The following DIAPH2 variants were observed in gnomAD, a reference collection of about 807,000 sequenced individuals.
DIAPH2 encodes diaphanous related formin 2.
In DIAPH2, 35 loss-of-function variants were observed where a neutral mutation model predicts 92.7. The ratio of observed to expected loss-of-function variants is 0.38; its 90% confidence interval spans 0.29 to 0.50. DIAPH2 has a LOEUF of 0.50. Ranked by LOEUF, DIAPH2 falls within the 20% of genes least tolerant of loss-of-function variation. The pLI, the probability that DIAPH2 is intolerant of heterozygous loss-of-function variation, is 0.94. For missense variants in DIAPH2, 701 were observed against 819.5 expected (o/e 0.86, Z 1.77); for synonymous variants, 301 against 280.4 (o/e 1.07, Z -0.73).
intron 26 of DIAPH2, among the ~76,000 whole-genome samples, chrX:97,576,537 C>CATG (rs1431955411): frequency 9.0e-6 from 1 of 110,993 alleles, no homozygotes; most frequent in Non-Finnish European, 1.9e-5. Flanking sequence ...TCAACAGTGT[C>CATG]ATGTGCTACA....
chrX:97,258,909 GAAACA>G (rs1352258735), intron 23 of DIAPH2, among the ~76,000 whole-genome samples: 4 of 100,060 alleles, frequency 4.0e-5, no homozygotes, highest in Middle Eastern at 4.9e-3. Context: ...AACAACAACA[GAAACA>G]AAACAAAACA....
chrX:97,185,430 T>C (rs2067584883), intron 22 of DIAPH2, among the ~76,000 whole-genome samples: 1 of 64,648 alleles, frequency 1.5e-5, no homozygotes, highest in African/African-American at 9.4e-5. Context: ...TATGTATATA[T>C]ATATGTGTAT....
At chrX:97,456,170 G>A (rs776551003) in intron 26 of DIAPH2, among the ~76,000 whole-genome samples, 45 of 111,776 alleles carry the variant, frequency 4.0e-4, no homozygotes, top group South Asian at 2.2e-3. Flanking sequence ...GGCGGATCAC[G>A]AGGTCAGGAG....
At chrX:97,515,576 G>A (rs1029364051) in intron 26 of DIAPH2, among the ~76,000 whole-genome samples, 1 of 112,151 alleles carries the variant, frequency 8.9e-6, no homozygotes, top group African/African-American at 3.2e-5. Flanking sequence ...TGATGAAGAA[G>A]TGGAGGGTAG....
At chrX:97,546,276 C>T (rs2071180816) in intron 26 of DIAPH2, among the ~76,000 whole-genome samples, 1 of 111,887 alleles carries the variant, frequency 8.9e-6, no homozygotes. Context: ...TGCTAACTCA[C>T]ATTAACCTAA....
intron 17 of DIAPH2, among the ~76,000 whole-genome samples, chrX:97,005,919 T>C (rs1376010646): frequency 9.3e-6 from 1 of 107,319 alleles, no homozygotes; most frequent in Non-Finnish European, 1.9e-5. Context: ...TTTTTTTTTT[T>C]TTTTTTTTTG....
chrX:96,816,232 A>G (rs1306990612), intron 4 of DIAPH2, among the ~76,000 whole-genome samples: 6 of 111,874 alleles, frequency 5.4e-5, no homozygotes, highest in East Asian at 2.8e-4. Context: ...TCATCCATCT[A>G]TGGACATTTA....
chrX:97,085,574 G>A (rs894665568), intron 19 of DIAPH2, among the ~76,000 whole-genome samples: 3 of 110,141 alleles, frequency 2.7e-5, no homozygotes, highest in Non-Finnish European at 5.7e-5. Context: ...ACAGACCACC[G>A]CCCGGCTAAT....
At chrX:97,199,582 C>G (rs1275284193) in intron 22 of DIAPH2, among the ~76,000 whole-genome samples, 1 of 111,375 alleles carries the variant, frequency 9.0e-6, no homozygotes, top group East Asian at 2.8e-4. Context: ...TGTTCTAGTT[C>G]TTGTGAAATA....
rs149665820 is a variant in DIAPH2 at position 97,225,487 on chromosome X, A to G, written c.2720-22228A>G. On this transcript the variant is annotated intron_variant, in intron 22 of 26. Transcript: ENST00000324765. ...CATTTAAGATTTTAACATGTATATC[A>G]TGTCTTCTGGATACCTACTTTAACT... 9.8e-3 allele frequency among the ~76,000 whole-genome samples: 1,092 copies of G among 111,767 alleles called. 12 individuals are homozygous for G. Among genetic ancestry groups the G allele is most frequent in the African/African-American group, 0.033 (1,031 of 30,797 alleles).
chrX:96,792,671 T>G (rs1195736827), intron 4 of DIAPH2, among the ~76,000 whole-genome samples: 1 of 111,642 alleles, frequency 9.0e-6, no homozygotes, highest in Admixed American at 9.5e-5. Context: ...CACATAGAGG[T>G]TTGAGGATAC....
At chrX:97,363,928 C>T (rs1276930284) in intron 24 of DIAPH2, among the ~76,000 whole-genome samples, 1 of 111,275 alleles carries the variant, frequency 9.0e-6, no homozygotes, top group Non-Finnish European at 1.9e-5. Context: ...ATTCCTTTCC[C>T]CTGGTCCTTG....
At chrX:97,262,832 G>T (rs1055285970) in intron 23 of DIAPH2, among the ~76,000 whole-genome samples, 2 of 111,884 alleles carry the variant, frequency 1.8e-5, no homozygotes, top group South Asian at 3.7e-4. Flanking sequence ...GAGGTCCAAG[G>T]ACTCAGGTCT....
intron 4 of DIAPH2, among the ~76,000 whole-genome samples, chrX:96,872,319 T>A (rs1369101252): frequency 9.0e-6 from 1 of 110,863 alleles, no homozygotes; most frequent in Non-Finnish European, 1.9e-5. Context: ...TTCAATTGTT[T>A]TAAATTTTTG....
intron 1 of DIAPH2, among the ~76,000 whole-genome samples, chrX:96,735,400 T>A (rs2064080314): frequency 9.0e-6 from 1 of 111,417 alleles, no homozygotes; most frequent in South Asian, 3.7e-4. Flanking sequence ...TAAATTTAGG[T>A]ATCTTAGCTT....
chrX:96,922,697 A>T (rs2065554088), intron 9 of DIAPH2, among the ~76,000 whole-genome samples: 1 of 111,803 alleles, frequency 8.9e-6, no homozygotes, highest in East Asian at 2.8e-4. Context: ...CAAATGTACC[A>T]TATGTTTGCG....
chrX:97,582,497 C>T (rs7062658), intron 26 of DIAPH2, among the ~76,000 whole-genome samples: 4 of 110,604 alleles, frequency 3.6e-5, no homozygotes, highest in Middle Eastern at 4.7e-3. Context: ...ATGTTGAATA[C>T]TGGCCCCCAC....
At chrX:97,591,349 A>G (rs1964066669) in intron 26 of DIAPH2, among the ~76,000 whole-genome samples, 1 of 112,159 alleles carries the variant, frequency 8.9e-6, no homozygotes, top group African/African-American at 3.2e-5. Context: ...TTGTTGGTAC[A>G]TTTATCCTTT....
chrX:97,165,231 C>T (rs2067402864), intron 22 of DIAPH2, among the ~76,000 whole-genome samples: 1 of 110,822 alleles, frequency 9.0e-6, no homozygotes, highest in African/African-American at 3.3e-5. Flanking sequence ...GGAGAGGGCT[C>T]CTTCTGATAG....
Sources: allele counts gnomAD v4.1 joint callset (sites outside exome capture counted in the v4.1 genomes callset), GRCh38; gene constraint gnomAD v4.1.1; transcripts MANE v1.5; gene names NCBI Gene and HGNC (gene_info 2026-07-23, HGNC 2026-07-21).